Variants in CNNM2 observed in about 807,000 individuals in gnomAD.
The protein encoded by CNNM2 is cyclin and CBS domain divalent metal cation transport mediator 2.
CNNM2 carries 12 observed loss-of-function variants against 66.9 expected under a neutral mutation model. The ratio of observed to expected loss-of-function variants is 0.18; its 90% CI spans 0.11 to 0.29. CNNM2 has a LOEUF of 0.29. CNNM2 is among the 10% of genes least tolerant of loss of function. CNNM2 has a pLI of 1.00. For synonymous variants in CNNM2, 557 were observed against 501.8 expected (o/e 1.11, Z -1.47); for missense variants, 705 against 1,167.7 (o/e 0.60, Z 5.77).
In CNNM2 at chr10:103,076,066, A is replaced by G. The variant is rs2065685228; in HGVS notation, c.2234-20A>G. ...GTATCTACTTCACTTAAACAGTTGG[A>G]TTTTTCCCTCCTTTTCCAGGTGAAA... On this transcript the variant is annotated intron_variant, in intron 6 of 7. Transcript: ENST00000369878. 9 of 1,599,244 alleles carry G rather than the reference A, an allele frequency of 5.6e-6. No homozygotes were observed. The South Asian group carries it at 1.0e-4, about 18-fold the overall frequency.
At chr10:102,955,206 G>T (rs1000995998) in intron 1 of CNNM2, among the ~76,000 whole-genome samples, 2 of 152,068 alleles carry the variant, frequency 1.3e-5, no homozygotes, top group African/African-American at 4.8e-5. Flanking sequence ...CAGAACAGAG[G>T]CCTCAGAAAT....
chr10:102,928,599 A>T (rs1025605601), intron 1 of CNNM2, among the ~76,000 whole-genome samples: 93 of 143,502 alleles, frequency 6.5e-4, no homozygotes, highest in African/African-American at 2.3e-3. Context: ...AAAAAAAAAA[A>T]GAAATTTATT....
At chr10:102,977,252 T>C (rs1188028355) in intron 1 of CNNM2, among the ~76,000 whole-genome samples, 1 of 151,640 alleles carries the variant, frequency 6.6e-6, no homozygotes, top group Non-Finnish European at 1.5e-5. Context: ...CATTTTGGAT[T>C]TTTTTTTAAA....
chr10:103,000,902 T>C (rs529407450), intron 1 of CNNM2, among the ~76,000 whole-genome samples: 1 of 152,180 alleles, frequency 6.6e-6, no homozygotes, highest in Non-Finnish European at 1.5e-5. Context: ...TATAATAGTA[T>C]TATTCACAGT....
chr10:102,957,843 C>G (rs906842625), intron 1 of CNNM2, among the ~76,000 whole-genome samples: 1 of 152,180 alleles, frequency 6.6e-6, no homozygotes, highest in Non-Finnish European at 1.5e-5. Flanking sequence ...TCTCTGGAAT[C>G]CTTAAAAGGA....
chr10:102,949,641 G>A (rs995477667), intron 1 of CNNM2, among the ~76,000 whole-genome samples: 18 of 152,154 alleles, frequency 1.2e-4, no homozygotes, highest in African/African-American at 4.1e-4. Context: ...CTAAAAATAC[G>A]CGCGTGGTGG....
intron 4 of CNNM2, among the ~76,000 whole-genome samples, chr10:103,058,187 C>T (rs1047820952): frequency 4.6e-5 from 7 of 152,248 alleles, no homozygotes; most frequent in South Asian, 4.1e-4. Context: ...TAATTTAGTA[C>T]GCTGATTCAT....
Position 103,077,173 on chromosome 10 carries a change from C to A in CNNM2, c.2621C>A (p.Ala874Asp). The stretch of plus-strand genomic sequence containing the variant: ...AACCACAGCCTGCACAACGAAGGCG[C>A]CATCTAGGCCGCGCTGGCTGCACCC... ...KANHSLHNEGAI is the reference protein window; with the variant it reads ...KANHSLHNEGDI Residue 874 changes from alanine to aspartate, a missense_variant, in exon 8 of 8, where the codon GCC becomes GAC. This residue lies in a region of CNNM2 where 194 missense variants were observed against 227.6 expected (regional missense o/e 0.85). Coordinates refer to ENST00000369878, the MANE Select transcript of CNNM2 (RefSeq NM_017649.5). 2 of 1,612,412 alleles carry A rather than the reference C, an allele frequency of 1.2e-6. No homozygotes were observed. Among genetic ancestry groups the A allele is most frequent in the Non-Finnish European group, 1.7e-6 (2 of 1,179,802 alleles).
intron 1 of CNNM2, among the ~76,000 whole-genome samples, chr10:102,929,674 GACA>G (rs1375144986): frequency 2.6e-5 from 4 of 152,084 alleles, no homozygotes; most frequent in African/African-American, 7.2e-5. Flanking sequence ...AACTGAAAAA[GACA>G]ACAAGTCTTT....
At chr10:102,942,102 T>C (rs1846455442) in intron 1 of CNNM2, among the ~76,000 whole-genome samples, 1 of 152,260 alleles carries the variant, frequency 6.6e-6, no homozygotes, top group East Asian at 1.9e-4. Context: ...TCTTAGGAAC[T>C]AATCAGAAAT....
chr10:103,027,142 T>C (rs1010345738), intron 1 of CNNM2, among the ~76,000 whole-genome samples: 14 of 152,238 alleles, frequency 9.2e-5, no homozygotes, highest in Non-Finnish European at 4.4e-5. Flanking sequence ...CTTTCTCTGC[T>C]CTGTGCCAAC....
chr10:102,953,212 T>C (rs185815352), intron 1 of CNNM2, among the ~76,000 whole-genome samples: 3 of 152,332 alleles, frequency 2.0e-5, no homozygotes, highest in Admixed American at 6.5e-5. Flanking sequence ...TTAAAACTTA[T>C]AATCTAGCAC....
At chr10:102,975,699 A>G (rs1368826241) in intron 1 of CNNM2, among the ~76,000 whole-genome samples, 1 of 152,164 alleles carries the variant, frequency 6.6e-6, no homozygotes, top group Non-Finnish European at 1.5e-5. Context: ...GCAAACCACA[A>G]CACTAAGTGA....
At chr10:103,002,580 A>C (rs1052296471) in intron 1 of CNNM2, among the ~76,000 whole-genome samples, 2 of 149,008 alleles carry the variant, frequency 1.3e-5, no homozygotes, top group African/African-American at 5.0e-5. Flanking sequence ...CCTGGGTTCG[A>C]GTGATTCTCC....
chr10:102,984,942 G>A (rs773098253), intron 1 of CNNM2, among the ~76,000 whole-genome samples: 7 of 151,988 alleles, frequency 4.6e-5, no homozygotes, highest in Non-Finnish European at 5.9e-5. Flanking sequence ...CACTGTGCCC[G>A]GGCTTTACTC....
At chr10:103,016,286 G>C (rs752835330) in intron 1 of CNNM2, among the ~76,000 whole-genome samples, 1 of 152,060 alleles carries the variant, frequency 6.6e-6, no homozygotes. Context: ...TAGTGACAAA[G>C]CTCTAAAAGA....
chr10:103,056,598 CA>C (rs1417060559), intron 3 of CNNM2, among the ~76,000 whole-genome samples, 196 bp from the exon 4 acceptor site: 2 of 152,232 alleles, frequency 1.3e-5, no homozygotes, highest in African/African-American at 4.8e-5. Flanking sequence ...GTAAAAGGAA[CA>C]AATGTGAGAA....
intron 4 of CNNM2, 45 bp from the exon 5 acceptor site, chr10:103,068,584 G>A: frequency 6.7e-7 from 1 of 1,495,454 alleles, no homozygotes. Flanking sequence ...TGTGCCAGTA[G>A]GCTTTTGCAA....
Position 102,918,310 on chromosome 10 carries a change from C to G in CNNM2, c.-171C>G. ...CGCTCCTCTCCCTCCCTCTTTCCCT[C>G]CCGCGAGCCTCGGGGTTCCTCAGCT... On this transcript the variant is annotated 5_prime_UTR_variant, in exon 1 of 8. Transcript: ENST00000369878. This position sits in a 1 kb window ranked among gnomAD's most constrained non-coding sequence, Gnocchi z 4.1. 8.4e-7 allele frequency: 1 copy of G among 1,187,988 alleles called. No individual in the cohort carries two copies. The highest frequency in any genetic ancestry group is 3.2e-5 in the Admixed American group (1 of 30,870). The allele number at this position is 1,187,988 out of a possible 1,614,324, so 73.6% of individuals were successfully genotyped here. A position where few individuals can be genotyped will look rare whatever the true frequency, so the allele number is the denominator to read the frequency against.
Sources: allele counts gnomAD v4.1 joint callset (sites outside exome capture counted in the v4.1 genomes callset), GRCh38; gene constraint gnomAD v4.1.1; regional missense constraint gnomAD v4.1.1; non-coding constraint Gnocchi (gnomAD v3.1); transcripts MANE v1.5; gene names NCBI Gene and HGNC (gene_info 2026-07-23, HGNC 2026-07-21).